The following CDH13 variants were observed in gnomAD, a reference collection of about 807,000 sequenced individuals.
CDH13 encodes the protein cadherin 13.
In CDH13, 24 loss-of-function variants were observed where a neutral mutation model predicts 63.8. That is an observed-to-expected ratio of 0.38 (90% CI 0.27 to 0.53). The LOEUF is 0.53. Ranked by LOEUF, CDH13 falls within the 20% of genes least tolerant of loss-of-function variation. The probability of loss-of-function intolerance (pLI) is 0.85; values close to 1 mark genes in which losing one functional copy is unlikely to be tolerated. For synonymous variants in CDH13, 503 were observed against 355.3 expected, an observed-to-expected ratio of 1.42 and a Z score of -4.67; for missense variants, 1,049 against 903.1, an observed-to-expected ratio of 1.16 and a Z score of -2.07.
chr16:83,181,152 C>T (rs2038338089), intron 4 of CDH13: 1 of 748,426 alleles, frequency 1.3e-6, no homozygotes, highest in Admixed American at 3.1e-5. Flanking sequence ...AGTCAGAAGT[C>T]ATCACATCTA....
At chr16:82,907,966 T>C (rs1416235684) in intron 2 of CDH13, among the ~76,000 whole-genome samples, 3 of 152,200 alleles carry the variant, frequency 2.0e-5, no homozygotes, top group African/African-American at 7.2e-5. Flanking sequence ...CTGTCTTAAA[T>C]ATACTGGTGC....
rs181174176 is a variant in CDH13 at position 82,682,681 on chromosome 16, T to A, written c.45+55544T>A. On this transcript the variant is annotated intron_variant, in intron 1 of 13. Transcript: ENST00000567109. ...AATAGGAAGTCTCCAAGGAGCAAGG[T>A]TGTATTCTTGGAGGTGGACACAAAG... Among the ~76,000 whole-genome samples, 307 of 152,266 alleles carry A rather than the reference T, an allele frequency of 2.0e-3. 3 individuals carry two copies. The highest frequency in any genetic ancestry group is 7.1e-3 in the African/African-American group (296 of 41,566).
In CDH13 at chr16:83,301,311, G is replaced by A. The variant is rs1013377218; in HGVS notation, c.637-43551G>A. ...CTCCCAAAGTGCAGGGATTACAGGC[G>A]TGAGCCACCGCACCTGGTCAGGGTT... On this transcript the variant is annotated intron_variant, in intron 5 of 13. Coordinates refer to ENST00000567109, the MANE Select transcript of CDH13 (RefSeq NM_001257.5). Among the ~76,000 whole-genome samples the A allele has an allele frequency of 4.6e-5, 7 of 152,216 alleles. 1 individual carries two copies. Among genetic ancestry groups the A allele is most frequent in the Admixed American group, 3.9e-4 (6 of 15,300 alleles).
At chr16:83,089,601 G>A (rs1183934497) in intron 3 of CDH13, among the ~76,000 whole-genome samples, 2 of 152,164 alleles carry the variant, frequency 1.3e-5, no homozygotes, top group Non-Finnish European at 2.9e-5. Context: ...GTGGGGAATG[G>A]GGTTCACAGT....
intron 1 of CDH13, among the ~76,000 whole-genome samples, chr16:82,702,511 C>T (rs930436087): frequency 2.0e-5 from 3 of 152,130 alleles, no homozygotes; most frequent in Non-Finnish European, 4.4e-5. Context: ...CTGGACTTGC[C>T]ATTCATTAAG....
At chr16:83,004,221 AGGAG>A (rs1451104967) in intron 2 of CDH13, among the ~76,000 whole-genome samples, 2 of 152,108 alleles carry the variant, frequency 1.3e-5, no homozygotes, top group Non-Finnish European at 2.9e-5. Context: ...CGGGTTTTGT[AGGAG>A]TCAGGGATAA....
intron 1 of CDH13, among the ~76,000 whole-genome samples, chr16:82,849,333 C>G (rs1212118650): frequency 6.6e-6 from 1 of 152,084 alleles, no homozygotes; most frequent in African/African-American, 2.4e-5. Context: ...GAAGCCCTGT[C>G]TCTACTAAAA....
chr16:83,395,375 A>T (rs899186545), intron 6 of CDH13, among the ~76,000 whole-genome samples: 5 of 152,006 alleles, frequency 3.3e-5, no homozygotes, highest in African/African-American at 1.2e-4. Context: ...TCAATTAGAC[A>T]TCCGAGTTCT....
intron 8 of CDH13, among the ~76,000 whole-genome samples, chr16:83,652,928 C>G (rs547663953): frequency 6.6e-6 from 1 of 152,318 alleles, no homozygotes; most frequent in South Asian, 2.1e-4. Context: ...AATGGAGAAA[C>G]AAAACATGGT....
At chr16:82,918,493 A>G (rs945236993) in intron 2 of CDH13, among the ~76,000 whole-genome samples, 3 of 144,990 alleles carry the variant, frequency 2.1e-5, no homozygotes, top group African/African-American at 5.1e-5. Context: ...GTCAAAAGGT[A>G]TGTACACTTT....
rs76446090 is a variant in CDH13 at position 83,578,967 on chromosome 16, T to G, written c.961-23487T>G. Among the ~76,000 whole-genome samples the G allele has an allele frequency of 1.0e-3, 153 of 152,360 alleles. 6 individuals carry two copies. In the East Asian group the frequency reaches 0.026, roughly 26 times the overall value. On this transcript the variant is annotated intron_variant, in intron 7 of 13. Transcript: ENST00000567109. The stretch of plus-strand genomic sequence containing the variant: ...TAGCGGAGTCAATCTTTGAACACTT[T>G]CCGCCTACTGAGTGTCTGTTCCTGT...
intron 6 of CDH13, among the ~76,000 whole-genome samples, chr16:83,395,421 A>G (rs1419876198): frequency 6.6e-6 from 1 of 152,094 alleles, no homozygotes; most frequent in African/African-American, 2.4e-5. Flanking sequence ...TCATCCTGTC[A>G]TTTCCATCAG....
At chr16:83,728,122 A>G (rs1910626221) in intron 10 of CDH13, among the ~76,000 whole-genome samples, 1 of 152,124 alleles carries the variant, frequency 6.6e-6, no homozygotes, top group Admixed American at 6.5e-5. Flanking sequence ...GCTGCCTGGA[A>G]AGGGGGAACA....
At chr16:82,723,827 C>G (rs1220526828) in intron 1 of CDH13, among the ~76,000 whole-genome samples, 2 of 152,166 alleles carry the variant, frequency 1.3e-5, no homozygotes, top group Admixed American at 1.3e-4. Flanking sequence ...GTGCCATGTG[C>G]TAGGTTCTCA....
intron 5 of CDH13, among the ~76,000 whole-genome samples, chr16:83,288,929 A>C (rs1235342534): frequency 6.6e-6 from 1 of 152,190 alleles, no homozygotes; most frequent in Non-Finnish European, 1.5e-5. Flanking sequence ...CATAATGGAG[A>C]TGTCACTTAT....
At chr16:83,609,226 A>C (rs1165969057) in intron 8 of CDH13, among the ~76,000 whole-genome samples, 1 of 152,158 alleles carries the variant, frequency 6.6e-6, no homozygotes, top group Non-Finnish European at 1.5e-5. Flanking sequence ...AAACTTTCTT[A>C]AGACATTATG....
chr16:83,165,913 A>G (rs2037643820), intron 4 of CDH13, among the ~76,000 whole-genome samples: 1 of 152,130 alleles, frequency 6.6e-6, no homozygotes. Context: ...AGAGAAGAGT[A>G]GCCTGGAATC....
At chr16:83,486,697 A>T (rs375365820) in intron 7 of CDH13, 42 bp downstream of exon 7, 5 of 1,588,880 alleles carry the variant, frequency 3.1e-6, no homozygotes, top group Non-Finnish European at 4.3e-6. Flanking sequence ...CGAGAATAGA[A>T]TGTGGCTTTC....
intron 1 of CDH13, among the ~76,000 whole-genome samples, chr16:82,725,245 C>G (rs981546841): frequency 1.3e-5 from 2 of 152,134 alleles, no homozygotes; most frequent in African/African-American, 2.4e-5. Flanking sequence ...GTACATATGT[C>G]TCTTTCCCCA....
Sources: gnomAD v4.1 joint callset for allele counts (sites outside exome capture counted in the v4.1 genomes callset) on GRCh38, gnomAD v4.1.1 for gene constraint, MANE v1.5 for transcripts, NCBI Gene and HGNC (gene_info 2026-07-23, HGNC 2026-07-21) for gene names.